Variants in GPHN observed in about 807,000 individuals in gnomAD.
The protein encoded by GPHN is gephyrin.
Under a neutral mutation model 95.5 loss-of-function variants are expected in GPHN, and 17 were observed. The observed-to-expected ratio is 0.18, with a 90% CI of 0.12 to 0.27. The LOEUF (loss-of-function observed/expected upper bound fraction) is 0.27, where lower values mean the gene tolerates loss of function less well. GPHN is among the 10% of genes least tolerant of loss of function. GPHN has a pLI of 1.00. For synonymous variants in GPHN, 320 were observed against 322.5 expected (o/e 0.99, Z 0.08); for missense variants, 660 against 978.1 (o/e 0.67, Z 4.34).
rs533679684 is a variant in GPHN, at chr14:66,871,252, A to G, written c.295-8687A>G. On this transcript the variant is annotated intron_variant, in intron 4 of 22. Coordinates refer to ENST00000478722, the MANE Select transcript of GPHN (RefSeq NM_020806.5). ...ATAAATGTTGTGCTTTGAAGTATCA[A>G]TTTTAAGTGAAATACTCCCTTTCAG... 3.9e-5 allele frequency among the ~76,000 whole-genome samples: 6 copies of G among 152,318 alleles called. No individual in the cohort carries two copies. The East Asian group carries it at 1.2e-3, about 29-fold the overall frequency.
the GPHN span, among the ~76,000 whole-genome samples, chr14:67,391,638 T>C: frequency 6.6e-6 from 1 of 152,236 alleles, no homozygotes; most frequent in Admixed American, 6.5e-5. Flanking sequence ...TCACATGGTA[T>C]ACAATATGTG....
At chr14:66,727,892 T>C (rs1048789928) in intron 2 of GPHN, among the ~76,000 whole-genome samples, 15 of 152,104 alleles carry the variant, frequency 9.9e-5, no homozygotes, top group African/African-American at 3.6e-4. Context: ...CCCAATACAA[T>C]GGGGAAAATG....
chr14:67,362,578 G>A, the GPHN span, among the ~76,000 whole-genome samples: 2 of 152,140 alleles, frequency 1.3e-5, no homozygotes, highest in Non-Finnish European at 2.9e-5. Flanking sequence ...CTTCTAGTAA[G>A]TAGCAGAGCA....
intron 9 of GPHN, among the ~76,000 whole-genome samples, chr14:66,974,108 G>C (rs1214836181): frequency 2.0e-5 from 3 of 152,004 alleles, no homozygotes; most frequent in African/African-American, 7.3e-5. Flanking sequence ...TGTTTGTTTG[G>C]GGATTTATTC....
intron 4 of GPHN, among the ~76,000 whole-genome samples, chr14:66,856,135 A>G (rs889634162): frequency 2.0e-5 from 3 of 152,164 alleles, no homozygotes; most frequent in Non-Finnish European, 4.4e-5. Flanking sequence ...GCGAGGCCTT[A>G]TAACAGTTCA....
At chr14:67,415,439 C>A in the GPHN span, among the ~76,000 whole-genome samples, 1 of 152,138 alleles carries the variant, frequency 6.6e-6, no homozygotes, top group Non-Finnish European at 1.5e-5. Context: ...TATCTCTGTA[C>A]ATACACATTT....
the GPHN span, among the ~76,000 whole-genome samples, chr14:67,538,715 C>T: frequency 2.6e-5 from 4 of 152,168 alleles, no homozygotes; most frequent in Admixed American, 2.0e-4. Context: ...AAGCCAAGCA[C>T]GAGTCCCAAC....
chr14:66,853,487 G>A lies in GPHN; in HGVS notation c.295-26452G>A, dbSNP rs1020597596. On this transcript the variant is annotated intron_variant, in intron 4 of 22. Transcript: ENST00000478722. ...TTTGACACACAGTTCCACATGGCTG[G>A]GGAGACCTCACAATGATGGCTGAAG... 3.9e-5 allele frequency among the ~76,000 whole-genome samples: 6 copies of A among 152,160 alleles called. No individual in the cohort carries two copies. The East Asian group carries it at 1.2e-3, about 29-fold the overall frequency.
At chr14:66,763,557 A>G (rs867741430) in intron 2 of GPHN, among the ~76,000 whole-genome samples, 58 of 151,782 alleles carry the variant, frequency 3.8e-4, no homozygotes, top group African/African-American at 1.3e-3. Flanking sequence ...ATGTCCCTAC[A>G]AAGGACATGA....
At chr14:67,243,489 ATT>A in the GPHN span, among the ~76,000 whole-genome samples, 1,328 of 100,262 alleles carry the variant, frequency 0.013, 16 homozygotes, top group African/African-American at 0.047. Flanking sequence ...CCAGAATATA[ATT>A]TTTTTTTTTT....
At chr14:66,545,338 A>AC (rs574288741) in intron 1 of GPHN, among the ~76,000 whole-genome samples, 11,826 of 82,848 alleles carry the variant, frequency 0.14, 2,714 homozygotes, top group African/African-American at 0.49. Flanking sequence ...CAGGGGGCTG[A>AC]CCCCCCCACC....
the GPHN span, chr14:67,555,907 G>T: frequency 1.2e-6 from 2 of 1,611,614 alleles, no homozygotes; most frequent in Non-Finnish European, 1.7e-6. Flanking sequence ...GGAGGGGATC[G>T]GCGGGAATAT....
intron 1 of GPHN, among the ~76,000 whole-genome samples, chr14:66,601,882 C>G (rs2140846648): frequency 6.6e-6 from 1 of 152,046 alleles, no homozygotes; most frequent in South Asian, 2.1e-4. Context: ...TACCTCTTAA[C>G]TGCATTGTAA....
intron 2 of GPHN, among the ~76,000 whole-genome samples, chr14:66,752,972 A>G (rs1404908219): frequency 1.3e-5 from 2 of 151,934 alleles, no homozygotes; most frequent in Non-Finnish European, 2.9e-5. Context: ...TTGATTTAAT[A>G]AATAATTGTA....
At position 67,054,962 on chromosome 14, in the gene GPHN, T is replaced by C. The variant is rs1010606681; in HGVS notation, c.1007-3687T>C. 1.3e-5 allele frequency among the ~76,000 whole-genome samples: 2 copies of C among 152,198 alleles called. 1 individual carries two copies. Among genetic ancestry groups the C allele is most frequent in the African/African-American group, 4.8e-5 (2 of 41,456 alleles). Reference sequence around the variant, plus strand: ...AAGTTAAGTCAAGATGGATTAAATATTTAAATGTAAAACCCAAAACTGTAA... The same window carrying C: ...AAGTTAAGTCAAGATGGATTAAATACTTAAATGTAAAACCCAAAACTGTAA... On this transcript the variant is annotated intron_variant, in intron 10 of 22. Transcript: ENST00000478722.
At chr14:66,890,773 T>C (rs893902805) in intron 5 of GPHN, among the ~76,000 whole-genome samples, 1 of 150,688 alleles carries the variant, frequency 6.6e-6, no homozygotes, top group Non-Finnish European at 1.5e-5. Flanking sequence ...AAATAAATCA[T>C]TGTAATATAC....
At chr14:66,872,272 C>G (rs897115998) in intron 4 of GPHN, among the ~76,000 whole-genome samples, 1 of 152,062 alleles carries the variant, frequency 6.6e-6, no homozygotes, top group African/African-American at 2.4e-5. Flanking sequence ...AAACCTTTCT[C>G]TCTATACCTT....
chr14:67,067,363 C>T (rs1463254182), intron 11 of GPHN, among the ~76,000 whole-genome samples: 1 of 152,152 alleles, frequency 6.6e-6, no homozygotes, highest in Non-Finnish European at 1.5e-5. Flanking sequence ...GAGGTGTCTG[C>T]TGGCCCCTAC....
chr14:67,249,499 A>C, the GPHN span, among the ~76,000 whole-genome samples: 1,842 of 152,342 alleles, frequency 0.012, 19 homozygotes, highest in Non-Finnish European at 0.018. Context: ...TCACTTATTC[A>C]CTTTTTGTTT....
Sources: gnomAD v4.1 joint callset for allele counts (sites outside exome capture counted in the v4.1 genomes callset) on GRCh38, gnomAD v4.1.1 for gene constraint, MANE v1.5 for transcripts, NCBI Gene and HGNC (gene_info 2026-07-23, HGNC 2026-07-21) for gene names.